Variants in VRTN observed in about 807,000 individuals in gnomAD.
The protein encoded by VRTN is vertebrae development associated.
Under a neutral mutation model 18.2 loss-of-function variants are expected in VRTN, and 5 were observed. The ratio of observed to expected loss-of-function variants is 0.27; its 90% CI spans 0.14 to 0.58. The LOEUF is 0.58. Ranked by LOEUF, VRTN falls within the 20% of genes least tolerant of loss-of-function variation. The pLI is 0.91. For synonymous variants in VRTN, 381 were observed against 393.7 expected (o/e 0.97, Z 0.38); for missense variants, 741 against 939.4 (o/e 0.79, Z 2.76).
At chr14:74,320,921 AAGCAGCAGC>A (rs889641548) in intron 1 of VRTN, among the ~76,000 whole-genome samples, 15 of 144,100 alleles carry the variant, frequency 1.0e-4, no homozygotes, top group Middle Eastern at 3.5e-3. Context: ...AAAAAAAAAA[AAGCAGCAGC>A]AGCAGCAGCA....
rs992167405 is a variant in VRTN, at chr14:74,348,568, C to T, written c.-86C>T. On this transcript the variant is annotated 5_prime_UTR_variant, in exon 1 of 2. Transcript: ENST00000256362. ...GGCTGGGGACGCTACTTGAGAAGGC[C>T]TTTCCCCACAGGGTGACTTAAATGT... The T allele has an allele frequency of 6.6e-6, 1 of 152,464 alleles. No individual in the cohort carries two copies. The highest frequency in any genetic ancestry group is 1.5e-5 in the Non-Finnish European group (1 of 68,262). The allele number at this position is 152,464 out of a possible 1,614,324, so 9.4% of individuals were successfully genotyped here.
chr14:74,327,034 G>A (rs2085492478), intron 1 of VRTN, among the ~76,000 whole-genome samples: 1 of 152,172 alleles, frequency 6.6e-6, no homozygotes, highest in Non-Finnish European at 1.5e-5. Context: ...GGCCCCACAG[G>A]TGGCTGTCCT....
chr14:74,304,915 C>G (rs908917905), intron 1 of VRTN, among the ~76,000 whole-genome samples: 3 of 152,184 alleles, frequency 2.0e-5, no homozygotes, highest in African/African-American at 7.2e-5. Flanking sequence ...AGCAACGTCA[C>G]CTCTCTAGGG....
intron 1 of VRTN, among the ~76,000 whole-genome samples, chr14:74,349,692 G>A (rs1046610095): frequency 2.6e-5 from 4 of 152,196 alleles, no homozygotes; most frequent in African/African-American, 9.6e-5. Context: ...AGACGCAGGG[G>A]ACAAGAGGCC....
chr14:74,320,898 T>C (rs1376703412), intron 1 of VRTN, among the ~76,000 whole-genome samples: 1 of 83,590 alleles, frequency 1.2e-5, no homozygotes, highest in Non-Finnish European at 2.3e-5. Flanking sequence ...CCCATCTCTT[T>C]AAAAAAAAAA....
At position 74,358,059 on chromosome 14, in the gene VRTN, C is replaced by T. The variant is rs1354661608; in HGVS notation, c.1276C>T (p.Arg426Cys). ...ACTGGTACCCTATCGCTGCTTCAAA[C>T]GCAGGTTCCCTGGCATCTCACGGTC... is the stretch of plus-strand genomic sequence containing the variant. The part of the protein sequence containing the change: ...NTLVPYRCFK[R>C]RFPGISRSTY... The change falls in exon 2 of 2, where the codon CGC (arginine) becomes TGC (cysteine). Residue 426 changes from arginine (R) to cysteine (C), a missense_variant. Around this residue, in one of 3 missense-constraint regions of VRTN, gnomAD observed 494 missense variants for 546.5 expected, o/e 0.90. Transcript: ENST00000256362. The surrounding 1 kb of genome is among the most constrained non-coding windows in gnomAD (Gnocchi z 5.4). 7.4e-6 allele frequency: 12 copies of T among 1,614,126 alleles called. No homozygotes were observed. Among genetic ancestry groups the T allele is most frequent in the Admixed American group, 6.7e-5 (4 of 60,012 alleles).
chr14:74,312,670 C>G (rs1426043526), intron 1 of VRTN, among the ~76,000 whole-genome samples: 1 of 151,442 alleles, frequency 6.6e-6, no homozygotes, highest in Non-Finnish European at 1.5e-5. Flanking sequence ...AGGCTGGTCT[C>G]AAACTCCTGG....
At position 74,314,394 on chromosome 14, in the gene VRTN, CT is replaced by C. The variant is rs10676222; in HGVS notation, c.-164+11238del. 2.3e-3 allele frequency among the ~76,000 whole-genome samples: 245 copies of C among 108,774 alleles called. 1 individual carries two copies. The highest frequency in any genetic ancestry group is 1.7e-3 in the Non-Finnish European group (98 of 56,014). The allele number at this position is 108,774 out of a possible 152,430, so 71.4% of individuals were successfully genotyped here. ...CAAAAGACTCAAGAAAAAAACTGTT[CT>C]TTTTTTTTTTTTTTTTTTTGAGATG... On this transcript the variant is annotated intron_variant, in intron 1 of 2. Transcript: ENST00000557177.
chr14:74,310,454 C>T (rs2085380650), intron 1 of VRTN, among the ~76,000 whole-genome samples: 1 of 150,132 alleles, frequency 6.7e-6, no homozygotes, highest in Non-Finnish European at 1.5e-5. Flanking sequence ...AGAACATGGA[C>T]CTCAGAGCCG....
intron 1 of VRTN, among the ~76,000 whole-genome samples, chr14:74,326,677 TG>T (rs1278401855): frequency 1.3e-5 from 2 of 152,054 alleles, no homozygotes; most frequent in African/African-American, 4.8e-5. Context: ...GCCCTGAGTC[TG>T]GGGCCCCTTC....
At chr14:74,355,893 G>A (rs2085723934) in intron 1 of VRTN, among the ~76,000 whole-genome samples, 2 of 148,328 alleles carry the variant, frequency 1.3e-5, no homozygotes, top group African/African-American at 5.0e-5. Flanking sequence ...GTGCAGTGGT[G>A]CGAGCATTGC....
intron 1 of VRTN, among the ~76,000 whole-genome samples, chr14:74,350,400 G>T (rs1324030756): frequency 6.6e-6 from 1 of 152,088 alleles, no homozygotes; most frequent in Non-Finnish European, 1.5e-5. Flanking sequence ...GGACGAGGAG[G>T]GTGGGGACAG....
chr14:74,357,639 T>G lies in VRTN; in HGVS notation c.856T>G (p.Cys286Gly), dbSNP rs746733172. The G allele has an allele frequency of 1.9e-6, 3 of 1,613,840 alleles. No individual in the cohort carries two copies. The highest frequency in any genetic ancestry group is 2.5e-6 in the Non-Finnish European group (3 of 1,179,996). ...ACCTGGCCTCAGCTACTCTCACCTC[T>G]GTGAGCGCTACAGCGTCACCAAAAG... ...REPGLSYSHL[C>G]ERYSVTKSTF... The change falls in exon 2 of 2, where the codon TGT becomes GGT. Residue 286 changes from cysteine (C) to glycine (G), a missense_variant. Cys to Gly is a radical substitution (Grantham distance 159). Around this residue, in one of 3 missense-constraint regions of VRTN, gnomAD observed 494 missense variants for 546.5 expected, o/e 0.90. Transcript: ENST00000256362. This position sits in a 1 kb window ranked among gnomAD's most constrained non-coding sequence, Gnocchi z 7.8.
intron 1 of VRTN, among the ~76,000 whole-genome samples, chr14:74,320,561 C>T (rs2085448622): frequency 2.2e-5 from 2 of 91,558 alleles, no homozygotes; most frequent in South Asian, 3.8e-4. Context: ...TGCGCCCGGC[C>T]TCTTTTTTTT....
chr14:74,324,834 T>C (rs1162099925), intron 1 of VRTN, among the ~76,000 whole-genome samples: 1 of 150,480 alleles, frequency 6.6e-6, no homozygotes, highest in African/African-American at 2.4e-5. Flanking sequence ...TTGCAGTGAG[T>C]TGAGATCTCC....
rs373424421 is a variant in VRTN at position 74,337,994 on chromosome 14, A to G, written c.-2+110A>G. The G allele has an allele frequency of 3.9e-5, 6 of 152,328 alleles. No homozygotes were observed. The East Asian group carries it at 9.6e-4, about 24-fold the overall frequency. The allele number at this position is 152,328 out of a possible 1,614,324, so 9.4% of individuals were successfully genotyped here. On this transcript the variant is annotated intron_variant, in intron 2 of 2. Coordinates refer to the VRTN transcript ENST00000557177. ...AAGCACACCCAAAATGAAAAATGGT[A>G]TAATGAACCACTCAGAATGAATAGT...
upstream of VRTN, among the ~76,000 whole-genome samples, chr14:74,346,918 CG>C (rs1309126946): frequency 2.0e-5 from 3 of 152,180 alleles, no homozygotes; most frequent in Middle Eastern, 3.4e-3. Flanking sequence ...GTAATGCAGA[CG>C]TTTTTTATAA....
At chr14:74,322,067 C>T (rs1196679923) in intron 1 of VRTN, among the ~76,000 whole-genome samples, 5 of 150,388 alleles carry the variant, frequency 3.3e-5, no homozygotes, top group African/African-American at 9.8e-5. Context: ...AGGATGGTCT[C>T]GATCTCTTGA....
Position 74,356,944 on chromosome 14 carries a change from A to G in VRTN, c.161A>G (p.Gln54Arg), listed in dbSNP as rs764672768. The G allele has an allele frequency of 6.2e-6, 10 of 1,613,892 alleles. No individual in the cohort carries two copies. The highest frequency in any genetic ancestry group is 1.7e-5 in the Admixed American group (1 of 59,978). ...PTCREGGPGL[Q>R]VLEVDSVALS... ...TGCCGGGAGGGAGGCCCTGGCCTCC[A>G]GGTGCTGGAAGTGGACTCGGTGGCC... The change falls in exon 2 of 2, where the codon CAG (glutamine) becomes CGG (arginine). Residue 54 changes from glutamine (Q) to arginine (R), a missense_variant. By Grantham distance (43) the Gln-to-Arg change is conservative. This residue lies in a region of VRTN where 186 missense variants were observed against 288.3 expected (regional missense o/e 0.65). Coordinates refer to ENST00000256362, the MANE Select transcript of VRTN (RefSeq NM_018228.3).
Sources: allele counts gnomAD v4.1 joint callset (sites outside exome capture counted in the v4.1 genomes callset), GRCh38; gene constraint gnomAD v4.1.1; regional missense constraint gnomAD v4.1.1; non-coding constraint Gnocchi (gnomAD v3.1); transcripts MANE v1.5; gene names NCBI Gene and HGNC (gene_info 2026-07-23, HGNC 2026-07-21).